ATP10D: variants seen among roughly 807,000 people sequenced by gnomAD.
ATP10D encodes ATPase phospholipid transporting 10D (putative).
A neutral mutation model predicts 144.8 loss-of-function variants in ATP10D; 89 were observed. The observed-to-expected ratio is 0.61, with a 90% CI of 0.52 to 0.73. ATP10D has a LOEUF of 0.73. Ranked by LOEUF, ATP10D falls within the 30% of genes least tolerant of loss-of-function variation. The pLI is 0.00. For missense variants in ATP10D, 1,603 were observed against 1,714.8 expected (o/e 0.93, Z 1.15); for synonymous variants, 571 against 615.1 (o/e 0.93, Z 1.06).
chr4:47,493,732 A>T (rs1715209418), intron 1 of ATP10D, among the ~76,000 whole-genome samples: 1 of 152,174 alleles, frequency 6.6e-6, no homozygotes, highest in African/African-American at 2.4e-5. Context: ...GCTTGTTAGA[A>T]TGCAAATTAT....
chr4:47,578,703 A>G (rs539334034), intron 19 of ATP10D, among the ~76,000 whole-genome samples: 1 of 152,176 alleles, frequency 6.6e-6, no homozygotes, highest in South Asian at 2.1e-4. Context: ...CCACCATTGG[A>G]TTGGGCTTCT....
intron 10 of ATP10D, among the ~76,000 whole-genome samples, chr4:47,549,515 ATTT>A (rs1718615371): frequency 6.6e-6 from 1 of 152,236 alleles, no homozygotes; most frequent in African/African-American, 2.4e-5. Flanking sequence ...AGCAATAAAT[ATTT>A]ATGGGATAAT....
intron 9 of ATP10D, among the ~76,000 whole-genome samples, chr4:47,539,583 T>C (rs551728584): frequency 3.3e-5 from 5 of 152,322 alleles, no homozygotes; most frequent in African/African-American, 1.2e-4. Context: ...CGCAGTGTGA[T>C]TTTACTTTTA....
At chr4:47,499,863 G>A (rs1715593850) in intron 1 of ATP10D, among the ~76,000 whole-genome samples, 1 of 152,100 alleles carries the variant, frequency 6.6e-6, no homozygotes, top group South Asian at 2.1e-4. Context: ...AGTCCTATTT[G>A]TTTTATTTCC....
chr4:47,559,097 C>A, intron 13 of ATP10D, 68 bp downstream of exon 13: 1 of 1,215,922 alleles, frequency 8.2e-7, no homozygotes, highest in Non-Finnish European at 1.2e-6. Context: ...GACTGAAAAC[C>A]AGCGTGTAGC....
intron 1 of ATP10D, among the ~76,000 whole-genome samples, chr4:47,509,596 A>G (rs55894040): frequency 6.6e-6 from 1 of 152,100 alleles, no homozygotes; most frequent in Non-Finnish European, 1.5e-5. Context: ...TGTACAACAT[A>G]TTGTTACTGT....
At chr4:47,518,775 A>G (rs1716806692) in intron 3 of ATP10D, among the ~76,000 whole-genome samples, 1 of 152,210 alleles carries the variant, frequency 6.6e-6, no homozygotes, top group Non-Finnish European at 1.5e-5. Flanking sequence ...TTGAAAATAC[A>G]CAATTAAACC....
intron 22 of ATP10D, 37 bp from the exon 23 acceptor site, chr4:47,591,005 G>C: frequency 7.4e-7 from 1 of 1,358,302 alleles, no homozygotes; most frequent in Non-Finnish European, 1.0e-6. Flanking sequence ...ATGCATTTGA[G>C]ATGAATTTAA....
chr4:47,559,035 A>G lies in ATP10D; in HGVS notation c.2541+6A>G. On this transcript the variant is annotated splice_donor_region_variant and intron_variant, in intron 13 of 22. Coordinates refer to ENST00000273859, the MANE Select transcript of ATP10D (RefSeq NM_020453.4). ...CTTTATGTATAGCAAAGAAGGTGAG[A>G]CTGCTTAGTGCGCTCCATCTTTTTT... 2 of 1,604,638 alleles carry G rather than the reference A, an allele frequency of 1.2e-6. No homozygotes were observed. The highest frequency in any genetic ancestry group is 1.7e-4 in the Middle Eastern group (1 of 6,044).
chr4:47,530,912 T>C (rs893736459), intron 5 of ATP10D, among the ~76,000 whole-genome samples: 1 of 152,176 alleles, frequency 6.6e-6, no homozygotes, highest in African/African-American at 2.4e-5. Flanking sequence ...TTATTGAAGA[T>C]TTTTGCATCT....
In ATP10D at chr4:47,572,154, G is replaced by T; in HGVS notation, c.3164G>T (p.Gly1055Val). ...TCTCCTTTTTTTCTGCCTCATGAAGGTGATGGTGCCAATGATGTTAGCATG... is the reference window on the plus strand; with the variant it reads ...TCTCCTTTTTTTCTGCCTCATGAAGTTGATGGTGCCAATGATGTTAGCATG... ...SHLQVMTLAI[G>V]DGANDVSMIQ... Residue 1055 changes from glycine (G) to valine (V), a missense_variant and splice_region_variant, in exon 17 of 23, where the codon GGT becomes GTT. By Grantham distance (109) the Gly-to-Val change is moderately radical. Coordinates refer to ENST00000273859, the MANE Select transcript of ATP10D (RefSeq NM_020453.4). The T allele has an allele frequency of 1.9e-6, 3 of 1,613,870 alleles. No homozygotes were observed. The highest frequency in any genetic ancestry group is 2.5e-6 in the Non-Finnish European group (3 of 1,179,890).
rs201983535 is a variant in ATP10D at position 47,541,222 on chromosome 4, CTGT to C, written c.1396+4297_1396+4299del. ...TTCTCTATAAATATAGCTGTTGTTA[CTGT>C]TGTTGTTGTTGTAAATATTGTTAAA... is the stretch of plus-strand genomic sequence containing the variant. On this transcript the variant is annotated intron_variant, in intron 9 of 22. Coordinates refer to ENST00000273859, the MANE Select transcript of ATP10D (RefSeq NM_020453.4). 3.1e-3 allele frequency among the ~76,000 whole-genome samples: 467 copies of C among 152,184 alleles called. 6 individuals carry two copies. The highest frequency in any genetic ancestry group is 0.014 in the Middle Eastern group (4 of 294).
intron 9 of ATP10D, among the ~76,000 whole-genome samples, chr4:47,543,852 C>CAT (rs1032292731): frequency 5.3e-5 from 8 of 151,662 alleles, no homozygotes; most frequent in South Asian, 4.2e-4. Flanking sequence ...CACACACACA[C>CAT]ATATATATAT....
rs1293671072 is a variant in ATP10D, at chr4:47,557,690, G to T, written c.1851G>T (p.Leu617Phe). 1 of 1,610,820 alleles carries T rather than the reference G, an allele frequency of 6.2e-7. No homozygotes were observed. The highest frequency in any genetic ancestry group is 1.1e-5 in the South Asian group (1 of 91,018). The change falls in exon 12 of 23, where the codon TTG becomes TTT. Residue 617 changes from leucine (L) to phenylalanine (F), a missense_variant. Transcript: ENST00000273859. Reference protein sequence around the residue: ...QKIRHPSLGGLPIKSLEEIKS... With the variant: ...QKIRHPSLGGFPIKSLEEIKS... Reference sequence around the variant, plus strand: ...TCAGACACCCTTCACTGGGGGGGTTGCCCATTAAGTCTTTGGAAGAGATTA... The same window carrying T: ...TCAGACACCCTTCACTGGGGGGGTTTCCCATTAAGTCTTTGGAAGAGATTA...
chr4:47,540,310 T>C (rs1718070101), intron 9 of ATP10D, among the ~76,000 whole-genome samples: 1 of 152,190 alleles, frequency 6.6e-6, no homozygotes, highest in African/African-American at 2.4e-5. Context: ...GGAATTGCAC[T>C]AAACACACCT....
chr4:47,523,106 G>A lies in ATP10D; in HGVS notation c.580G>A (p.Val194Ile), dbSNP rs1314340108. Residue 194 changes from valine (V) to isoleucine (I), a missense_variant, in exon 4 of 23, where the codon GTA becomes ATA. Val to Ile is a conservative substitution (Grantham distance 29). Coordinates refer to ENST00000273859, the MANE Select transcript of ATP10D (RefSeq NM_020453.4). ...SCNEVIPADMVLLFSTDPDGI... is the reference protein window; with the variant it reads ...SCNEVIPADMILLFSTDPDGI... ...CAACGAGGTCATCCCTGCAGACATG[G>A]TACTACTCTTTTCCACTGATCCAGA... is the stretch of plus-strand genomic sequence containing the variant. 1 of 1,613,866 alleles carries A rather than the reference G, an allele frequency of 6.2e-7. No individual in the cohort carries two copies. Among genetic ancestry groups the A allele is most frequent in the Non-Finnish European group, 8.5e-7 (1 of 1,179,942 alleles).
At chr4:47,582,649 G>A (rs1347177593) in intron 21 of ATP10D, among the ~76,000 whole-genome samples, 2 of 152,034 alleles carry the variant, frequency 1.3e-5, no homozygotes, top group Non-Finnish European at 2.9e-5. Context: ...ACCACATCAG[G>A]ATCTTGGCAC....
At chr4:47,572,777 GA>G in intron 17 of ATP10D, 94 bp from the exon 18 acceptor site, 1 of 1,490,204 alleles carries the variant, frequency 6.7e-7, no homozygotes, top group Non-Finnish European at 9.2e-7. Context: ...GAAGAAGGTA[GA>G]ATATGAGGCC....
intron 18 of ATP10D, among the ~76,000 whole-genome samples, chr4:47,575,884 A>T (rs1720202337): frequency 6.7e-6 from 1 of 148,314 alleles, no homozygotes; most frequent in South Asian, 2.1e-4. Flanking sequence ...TTATATCCTT[A>T]CATAAAAAGA....
Sources: allele counts gnomAD v4.1 joint callset (sites outside exome capture counted in the v4.1 genomes callset), GRCh38; gene constraint gnomAD v4.1.1; transcripts MANE v1.5; gene names NCBI Gene and HGNC (gene_info 2026-07-23, HGNC 2026-07-21).